Variants in ZNF487 observed in about 807,000 individuals in gnomAD.
The protein encoded by ZNF487 is KRAB domain only 1.
Under a neutral mutation model 3.0 loss-of-function variants are expected in ZNF487, and 4 were observed. The ratio of observed to expected loss-of-function variants is 1.35; its 90% CI spans 0.66 to 3.08. ZNF487 has a LOEUF of 3.08. Ranked by LOEUF, ZNF487 falls within the 30% of genes most tolerant of loss-of-function variation. ZNF487 has a pLI of 0.01. For synonymous variants in ZNF487, 55 were observed against 34.6 expected (o/e 1.59, Z -2.06); for missense variants, 146 against 98.7 (o/e 1.48, Z -2.03).
the ZNF487 span, among the ~76,000 whole-genome samples, chr10:43,507,718 A>T: frequency 6.6e-6 from 1 of 152,186 alleles, no homozygotes; most frequent in Non-Finnish European, 1.5e-5. Context: ...GGCCATAAAC[A>T]AAATGACCTT....
chr10:43,481,467 G>A lies in ZNF487; in HGVS notation c.169G>A (p.Glu57Lys), dbSNP rs1180805986. 7.0e-6 allele frequency: 5 copies of A among 716,958 alleles called. No individual in the cohort carries two copies. The highest frequency in any genetic ancestry group is 3.5e-5 in the African/African-American group (2 of 57,220). The allele number at this position is 716,958 out of a possible 1,614,324, so 44.4% of individuals were successfully genotyped here. A position where few individuals can be genotyped will look rare whatever the true frequency, so the allele number is the denominator to read the frequency against. Reference protein sequence around the residue: ...IDDDLMEKRQENQDQHLQKVD... With the variant: ...IDDDLMEKRQKNQDQHLQKVD... ...TGATGACCTGATGGAGAAGAGACAGGAAAATCAAGACCAGCATTTGCAGAA... is the reference window on the plus strand; with the variant it reads ...TGATGACCTGATGGAGAAGAGACAGAAAAATCAAGACCAGCATTTGCAGAA... Residue 57 changes from glutamate to lysine, a missense_variant, in exon 4 of 4, where the codon GAA (glutamate) becomes AAA (lysine). Coordinates refer to ENST00000437590, the MANE Select transcript of ZNF487 (RefSeq NM_001355444.3).
At chr10:43,506,747 G>T in the ZNF487 span, among the ~76,000 whole-genome samples, 1 of 152,202 alleles carries the variant, frequency 6.6e-6, no homozygotes, top group East Asian at 1.9e-4. Context: ...CCTCTCCTGG[G>T]CCGTAAGTAC....
chr10:43,509,720 C>T, the ZNF487 span, among the ~76,000 whole-genome samples: 1 of 152,050 alleles, frequency 6.6e-6, no homozygotes. Context: ...TCGCTGTCAG[C>T]TGATTAGATT....
At chr10:43,522,438 A>G in the ZNF487 span, among the ~76,000 whole-genome samples, 1 of 152,046 alleles carries the variant, frequency 6.6e-6, no homozygotes, top group Admixed American at 6.6e-5. Context: ...AGATAGAGCA[A>G]CACCTGCTAG....
intron 1 of ZNF487, among the ~76,000 whole-genome samples, chr10:43,440,876 GTTGT>G (rs1469196435): frequency 2.7e-5 from 4 of 150,782 alleles, no homozygotes; most frequent in South Asian, 2.1e-4. Flanking sequence ...CTTTTTTTTT[GTTGT>G]TTGTTTTTGA....
the ZNF487 span, chr10:43,523,827 T>A: frequency 6.6e-6 from 1 of 152,138 alleles, no homozygotes; most frequent in Non-Finnish European, 1.5e-5. Flanking sequence ...GTTTAATTGC[T>A]GTGGGAGGAG....
At chr10:43,462,907 C>T (rs1197919671) in intron 1 of ZNF487, among the ~76,000 whole-genome samples, 1 of 150,216 alleles carries the variant, frequency 6.7e-6, no homozygotes, top group African/African-American at 2.5e-5. Context: ...GTAGCTGGGA[C>T]CACAGCCATG....
At chr10:43,489,552 C>T in the ZNF487 span, among the ~76,000 whole-genome samples, 1 of 151,992 alleles carries the variant, frequency 6.6e-6, no homozygotes, top group Non-Finnish European at 1.5e-5. Context: ...CGGGGTTTTA[C>T]CATGTTGGCC....
chr10:43,456,711 G>C (rs1291958570), intron 1 of ZNF487, among the ~76,000 whole-genome samples: 1 of 152,106 alleles, frequency 6.6e-6, no homozygotes, highest in Non-Finnish European at 1.5e-5. Flanking sequence ...CTCCAGAGTA[G>C]CTGAGATTAC....
intron 1 of ZNF487, among the ~76,000 whole-genome samples, chr10:43,472,465 C>G (rs1191615143): frequency 6.6e-6 from 1 of 152,164 alleles, no homozygotes; most frequent in Admixed American, 6.6e-5. Flanking sequence ...TTGCAATCCT[C>G]TCTATGACAT....
At chr10:43,495,633 T>C in the ZNF487 span, among the ~76,000 whole-genome samples, 2 of 152,200 alleles carry the variant, frequency 1.3e-5, no homozygotes, top group Non-Finnish European at 2.9e-5. Context: ...GTGTGGCCAT[T>C]ACCTTTTAGA....
chr10:43,443,719 C>T (rs747407627), intron 1 of ZNF487, among the ~76,000 whole-genome samples: 10 of 151,330 alleles, frequency 6.6e-5, no homozygotes, highest in African/African-American at 9.7e-5. Context: ...ATGGAGGTCT[C>T]ACTATGTCAC....
At chr10:43,515,739 G>A in the ZNF487 span, among the ~76,000 whole-genome samples, 4 of 152,120 alleles carry the variant, frequency 2.6e-5, no homozygotes, top group Non-Finnish European at 4.4e-5. Context: ...TTGAATCTCA[G>A]TATCTGCTTC....
downstream of ZNF487, among the ~76,000 whole-genome samples, chr10:43,483,835 G>A (rs1218338040): frequency 2.0e-5 from 3 of 151,024 alleles, no homozygotes; most frequent in Admixed American, 1.3e-4. Context: ...ACCAATAATT[G>A]ATATTTTATT....
rs192123091 is a variant in ZNF487, at chr10:43,464,385, T to A, written c.-93-11336T>A. On this transcript the variant is annotated intron_variant, in intron 1 of 3. Coordinates refer to ENST00000437590, the MANE Select transcript of ZNF487 (RefSeq NM_001355444.3). ...TTTTATTTTATTTATTATTATTATT[T>A]TTTTTTATTGATCATTCTTGGGTGT... is the stretch of plus-strand genomic sequence containing the variant. Among the ~76,000 whole-genome samples the A allele has an allele frequency of 8.5e-4, 129 of 151,966 alleles. No individual in the cohort carries two copies. In the East Asian group the frequency reaches 0.019, roughly 22 times the overall value.
chr10:43,505,673 T>C, the ZNF487 span, among the ~76,000 whole-genome samples: 1 of 152,018 alleles, frequency 6.6e-6, no homozygotes, highest in Non-Finnish European at 1.5e-5. Flanking sequence ...GATGGAGTTT[T>C]ACTCTTGTCA....
chr10:43,495,333 T>G, the ZNF487 span, among the ~76,000 whole-genome samples: 1 of 151,584 alleles, frequency 6.6e-6, no homozygotes, highest in East Asian at 1.9e-4. Context: ...AACCTCCGCC[T>G]CCCAGGTTCA....
At chr10:43,522,431 T>G in the ZNF487 span, among the ~76,000 whole-genome samples, 1 of 152,022 alleles carries the variant, frequency 6.6e-6, no homozygotes, top group Non-Finnish European at 1.5e-5. Flanking sequence ...AAATCAGAGA[T>G]AGAGCAACAC....
At chr10:43,469,521 A>G (rs780214226) in intron 1 of ZNF487, among the ~76,000 whole-genome samples, 5 of 151,996 alleles carry the variant, frequency 3.3e-5, no homozygotes, top group Non-Finnish European at 7.4e-5. Flanking sequence ...TTTTTAAATA[A>G]ATAAGAGACA....
Sources: allele counts gnomAD v4.1 joint callset (sites outside exome capture counted in the v4.1 genomes callset), GRCh38; gene constraint gnomAD v4.1.1; transcripts MANE v1.5; gene names NCBI Gene and HGNC (gene_info 2026-07-23, HGNC 2026-07-21).